Variants in TRIM11 observed in about 807,000 individuals in gnomAD.
TRIM11 encodes the protein E3 ubiquitin-protein ligase TRIM11.
TRIM11 carries 15 observed loss-of-function variants against 33.4 expected under a neutral mutation model. That is an observed-to-expected ratio of 0.45 (90% CI 0.30 to 0.69). The LOEUF (loss-of-function observed/expected upper bound fraction) is 0.69, where lower values mean the gene tolerates loss of function less well. Among genes scored for constraint, TRIM11 ranks in the 30% least tolerant of loss-of-function variants. The pLI is 0.08. For missense variants in TRIM11, 499 were observed against 667.6 expected (o/e 0.75, Z 2.78); for synonymous variants, 281 against 302.6 (o/e 0.93, Z 0.74).
At position 228,395,247 on chromosome 1, in the gene TRIM11, C is replaced by G. The variant is rs757527424; in HGVS notation, c.865G>C (p.Val289Leu). ...VETLRRFRGDVTLDPDTANPE... is the reference protein window; with the variant it reads ...VETLRRFRGDLTLDPDTANPE... ...TTGGCGGTGTCCGGGTCCAAGGTCACGTCCCCTGCAGAGAGAGGCCCAAGG... is the reference window on the plus strand; with the variant it reads ...TTGGCGGTGTCCGGGTCCAAGGTCAGGTCCCCTGCAGAGAGAGGCCCAAGG... The change falls in exon 6 of 6, where the codon GTG becomes CTG. Residue 289 changes from valine (V) to leucine (L), a missense_variant. Physicochemically the swap from Val to Leu is conservative, Grantham distance 32. Transcript: ENST00000284551. This position sits in a 1 kb window ranked among gnomAD's most constrained non-coding sequence, Gnocchi z 4.8. 3 of 1,462,014 alleles carry G rather than the reference C, an allele frequency of 2.1e-6. No homozygotes were observed. The highest frequency in any genetic ancestry group is 2.7e-6 in the Non-Finnish European group (3 of 1,112,144). The allele number at this position is 1,462,014 out of a possible 1,614,324, so 90.6% of individuals were successfully genotyped here. A position where few individuals can be genotyped will look rare whatever the true frequency, so the allele number is the denominator to read the frequency against.
chr1:228,406,087 A>G lies in TRIM11; in HGVS notation c.408+67T>C. ...CCCGGAGCAGTCCCCCAAACCTCCC[A>G]CCCGCCCAGGCCTCCCCAGTCCCCG... is the stretch of plus-strand genomic sequence containing the variant. On this transcript the variant is annotated intron_variant, in intron 1 of 5. Transcript: ENST00000284551. The surrounding 1 kb of genome is among the most constrained non-coding windows in gnomAD (Gnocchi z 8.2). The G allele has an allele frequency of 1.6e-6, 1 of 614,412 alleles. No individual in the cohort carries two copies. 38.1% of individuals were successfully genotyped at this position (614,412 alleles called of 1,614,324 possible). A position where few individuals can be genotyped will look rare whatever the true frequency, so the allele number is the denominator to read the frequency against.
chr1:228,399,325 G>C (rs551680181), intron 3 of TRIM11, among the ~76,000 whole-genome samples: 114 of 152,298 alleles, frequency 7.5e-4, no homozygotes, highest in South Asian at 4.6e-3. Context: ...TGGCAGGTTG[G>C]GGGGACAGGA....
In TRIM11 at chr1:228,406,412, C is replaced by T. The variant is rs753220432; in HGVS notation, c.150G>A (p.Pro50=). The change falls in exon 1 of 6, where the codon CCG becomes CCA. Residue 50 remains proline (P), a synonymous_variant. Transcript: ENST00000284551. This position sits in a 1 kb window ranked among gnomAD's most constrained non-coding sequence, Gnocchi z 8.2. Reference sequence around the variant, plus strand: ...GCTCGCGGCACTCGGGGCACGCGTACGGGCCCTCGGGCTGGCCCCAGCAGC... The same window carrying T: ...GCTCGCGGCACTCGGGGCACGCGTATGGGCCCTCGGGCTGGCCCCAGCAGC... ...IRRCWGQPEG[P]YACPECRELS... The T allele has an allele frequency of 6.4e-6, 10 of 1,573,942 alleles. No homozygotes were observed. In the Admixed American group the frequency reaches 7.0e-5, roughly 11 times the overall value.
rs901727324 is a variant in TRIM11 at position 228,395,686 on chromosome 1, T to G, written c.860-434A>C. 10 of 158,284 alleles carry G rather than the reference T, an allele frequency of 6.3e-5. No individual in the cohort carries two copies. Among genetic ancestry groups the G allele is most frequent in the African/African-American group, 2.2e-4 (9 of 41,650 alleles). The allele number at this position is 158,284 out of a possible 1,614,324, so 9.8% of individuals were successfully genotyped here. On this transcript the variant is annotated intron_variant, in intron 5 of 5. Coordinates refer to ENST00000284551, the MANE Select transcript of TRIM11 (RefSeq NM_145214.3). This position sits in a 1 kb window ranked among gnomAD's most constrained non-coding sequence, Gnocchi z 4.8. Reference sequence around the variant, plus strand: ...ACAGGCGTGTGCCACCATGGCTGGCTCATTTTTTTGTTTTTTATTTGTAGA... The same window carrying G: ...ACAGGCGTGTGCCACCATGGCTGGCGCATTTTTTTGTTTTTTATTTGTAGA...
chr1:228,395,556 T>C lies in TRIM11; in HGVS notation c.860-304A>G. The C allele has an allele frequency of 3.8e-6, 1 of 260,252 alleles. No individual in the cohort carries two copies. The allele number at this position is 260,252 out of a possible 1,614,324, so 16.1% of individuals were successfully genotyped here. A position where few individuals can be genotyped will look rare whatever the true frequency, so the allele number is the denominator to read the frequency against. ...TTTAAAGAGGCAGGGTCTTGCTCTGTGGCCCCAGGCTGCAGTGCAGTGGTG... is the reference window on the plus strand; with the variant it reads ...TTTAAAGAGGCAGGGTCTTGCTCTGCGGCCCCAGGCTGCAGTGCAGTGGTG... On this transcript the variant is annotated intron_variant, in intron 5 of 5. Transcript: ENST00000284551. This position sits in a 1 kb window ranked among gnomAD's most constrained non-coding sequence, Gnocchi z 4.8.
At chr1:228,405,195 A>G (rs1315476911) in intron 1 of TRIM11, 1 of 152,280 alleles carries the variant, frequency 6.6e-6, no homozygotes, top group Non-Finnish European at 1.5e-5. Flanking sequence ...GAACAAGCCC[A>G]CGGATATGGC....
rs370220574 is a variant in TRIM11 at position 228,395,352 on chromosome 1, G to A, written c.860-100C>T. The A allele has an allele frequency of 9.3e-6, 12 of 1,293,572 alleles. No homozygotes were observed. The highest frequency in any genetic ancestry group is 2.2e-5 in the South Asian group (1 of 45,124). 80.1% of individuals were successfully genotyped at this position (1,293,572 alleles called of 1,614,324 possible). A position where few individuals can be genotyped will look rare whatever the true frequency, so the allele number is the denominator to read the frequency against. On this transcript the variant is annotated intron_variant, in intron 5 of 5. Transcript: ENST00000284551. This position sits in a 1 kb window ranked among gnomAD's most constrained non-coding sequence, Gnocchi z 4.8. ...GTAGGTACAATCCTCCCAGTCGGAC[G>A]GCCTGGCTCTCTGCCCTGGGCCTGT...
intron 1 of TRIM11, chr1:228,402,988 T>C (rs140364368): frequency 6.6e-6 from 1 of 152,322 alleles, no homozygotes; most frequent in East Asian, 1.9e-4. Context: ...CTCGGGACCT[T>C]GTGCATTTTC....
At chr1:228,405,915 C>A (rs1253603513) in intron 1 of TRIM11, 12 of 417,110 alleles carry the variant, frequency 2.9e-5, no homozygotes, top group Non-Finnish European at 5.0e-5. Flanking sequence ...AGCAGGGTCT[C>A]ATTGGCGGCC....
Position 228,394,870 on chromosome 1 carries a change from A to C in TRIM11, c.1242T>G (p.His414Gln), listed in dbSNP as rs1426946923. ...VGIFLDYEAG[H>Q]LSFYSATDGS... ...CATCGGTGGCACTGTAGAAAGAGAG[A>C]TGTCCAGCCTCGTAGTCCAGAAAGA... The change falls in exon 6 of 6, where the codon CAT (histidine) becomes CAG (glutamine). Residue 414 changes from histidine (H) to glutamine (Q), a missense_variant. Physicochemically the swap from His to Gln is conservative, Grantham distance 24 (BLOSUM62 0). Coordinates refer to ENST00000284551, the MANE Select transcript of TRIM11 (RefSeq NM_145214.3). This position sits in a 1 kb window ranked among gnomAD's most constrained non-coding sequence, Gnocchi z 6.2. 1 of 1,613,894 alleles carries C rather than the reference A, an allele frequency of 6.2e-7. No homozygotes were observed. The highest frequency in any genetic ancestry group is 1.3e-5 in the African/African-American group (1 of 74,868).
At chr1:228,405,971 A>G in intron 1 of TRIM11, 183 bp downstream of exon 1, 1 of 602,274 alleles carries the variant, frequency 1.7e-6, no homozygotes, top group Non-Finnish European at 2.5e-6. Flanking sequence ...CTGTGTCATG[A>G]GCCCCCACAG....
intron 3 of TRIM11, among the ~76,000 whole-genome samples, chr1:228,398,916 AG>A (rs1368185156): frequency 3.1e-4 from 47 of 152,108 alleles, no homozygotes; most frequent in African/African-American, 1.1e-3. Context: ...GGCCTCGACA[AG>A]GGGGTTTGGT....
intron 3 of TRIM11, among the ~76,000 whole-genome samples, chr1:228,399,406 G>C (rs1165158996): frequency 6.6e-6 from 1 of 152,188 alleles, no homozygotes; most frequent in African/African-American, 2.4e-5. Context: ...GGACGGGTGG[G>C]CCACTCAGCG....
chr1:228,402,173 G>T lies in TRIM11; in HGVS notation c.409-12C>A, dbSNP rs760692428. 2.5e-6 allele frequency: 4 copies of T among 1,606,730 alleles called. No homozygotes were observed. The South Asian group carries it at 4.4e-5, about 18-fold the overall frequency. On this transcript the variant is annotated splice_polypyrimidine_tract_variant and intron_variant, in intron 1 of 5. Transcript: ENST00000284551. ...TTCTCCAGCTTCGCCTGCGGGAGAG[G>T]CCAGGCAGGACCATGAGACATGAGT...
At chr1:228,402,322 C>T in intron 1 of TRIM11, 161 bp from the exon 2 acceptor site, 4 of 544,090 alleles carry the variant, frequency 7.4e-6, no homozygotes, top group Non-Finnish European at 1.3e-5. Flanking sequence ...CGTGAGCCCT[C>T]ATGGTAGGTG....
At chr1:228,396,460 T>C (rs1191163608) in intron 5 of TRIM11, 2 of 570,296 alleles carry the variant, frequency 3.5e-6, no homozygotes, top group East Asian at 2.8e-5. Flanking sequence ...GTCTCTTCCA[T>C]TTGGCTCTTC....
intron 3 of TRIM11, among the ~76,000 whole-genome samples, chr1:228,399,209 C>A (rs557486718): frequency 6.6e-6 from 1 of 152,280 alleles, no homozygotes; most frequent in East Asian, 1.9e-4. Flanking sequence ...CCATCCCCAC[C>A]TGTCCCTCTC....
rs752323538 is a variant in TRIM11, at chr1:228,394,800, G to A, written c.1312C>T (p.Leu438=). The stretch of plus-strand genomic sequence containing the variant: ...GACAGGGGTGAGAAGAGGGGCCGCA[G>A]CGTCCCCGAGAAGGGGATCTCGGGA... ...IFPEIPFSGT[L]RPLFSPLSSS... Residue 438 remains leucine (L), a synonymous_variant, in exon 6 of 6, where the codon CTG becomes TTG. Transcript: ENST00000284551. This position sits in a 1 kb window ranked among gnomAD's most constrained non-coding sequence, Gnocchi z 6.2. 2 of 1,614,124 alleles carry A rather than the reference G, an allele frequency of 1.2e-6. No individual in the cohort carries two copies. The highest frequency in any genetic ancestry group is 1.7e-5 in the Admixed American group (1 of 60,026).
chr1:228,399,848 A>C (rs1320509795), intron 3 of TRIM11, among the ~76,000 whole-genome samples: 1 of 133,328 alleles, frequency 7.5e-6, no homozygotes, highest in African/African-American at 2.8e-5. Context: ...TGATGGCTAC[A>C]CTCTGACTGC....
Sources: gnomAD v4.1 joint callset for allele counts (sites outside exome capture counted in the v4.1 genomes callset) on GRCh38, gnomAD v4.1.1 for gene constraint, Gnocchi (gnomAD v3.1) non-coding constraint, MANE v1.5 for transcripts, NCBI Gene and HGNC (gene_info 2026-07-23, HGNC 2026-07-21) for gene names.